Variants in NUTM2F observed in about 807,000 individuals in gnomAD.
NUTM2F encodes the protein NUT family member 2F, also known as family with sequence similarity 22, member F.
A neutral mutation model predicts 43.3 loss-of-function variants in NUTM2F; 22 were observed. The observed-to-expected ratio is 0.51, with a 90% CI of 0.36 to 0.73. NUTM2F has a LOEUF of 0.73. Ranked by LOEUF, NUTM2F falls within the 30% of genes least tolerant of loss-of-function variation. The probability of loss-of-function intolerance (pLI) is 0.00; values close to 1 mark genes in which losing one functional copy is unlikely to be tolerated. For synonymous variants in NUTM2F, 202 were observed against 389.0 expected (o/e 0.52, Z 5.66); for missense variants, 488 against 927.4 (o/e 0.53, Z 6.15).
chr9:94,320,435 G>A lies in NUTM2F; in HGVS notation c.1141C>T (p.Pro381Ser). 3 of 1,603,752 alleles carry A rather than the reference G, an allele frequency of 1.9e-6. No individual in the cohort carries two copies. The highest frequency in any genetic ancestry group is 2.6e-6 in the Non-Finnish European group (3 of 1,174,634). The stretch of plus-strand genomic sequence containing the variant: ...TCCTCAGGGACCTTGGTCTCCGCTG[G>A]CCTCTGGGGCCTGGGTGGTGGCAGG... ...AHLPPPRPQR[P>S]AETKVPEEIP... The change falls in exon 5 of 7, where the codon CCA becomes TCA. Residue 381 changes from proline (P) to serine (S), a missense_variant. Coordinates refer to ENST00000253262, the MANE Select transcript of NUTM2F (RefSeq NM_017561.2). This position sits in a 1 kb window ranked among gnomAD's most constrained non-coding sequence, Gnocchi z 4.5.
At position 94,321,133 on chromosome 9, in the gene NUTM2F, T is replaced by G. The variant is rs932886007; in HGVS notation, c.942A>C (p.Glu314Asp). 6.4e-7 allele frequency: 1 copy of G among 1,552,754 alleles called. No individual in the cohort carries two copies. The highest frequency in any genetic ancestry group is 8.6e-7 in the Non-Finnish European group (1 of 1,157,074). ...CCTCAGGGGCAGGGGGTCCTCGAGG[T>G]TCAAGCCTCGGCGGGGCTGGAGGAG... The part of the protein sequence containing the change: ...SLPPPAPPRL[E>D]PRGPPAPEVV... Residue 314 changes from glutamate (E) to aspartate (D), a missense_variant, in exon 4 of 7, where the codon GAA (glutamate) becomes GAC (aspartate). Coordinates refer to ENST00000253262, the MANE Select transcript of NUTM2F (RefSeq NM_017561.2).
chr9:94,325,788 C>G lies in NUTM2F; in HGVS notation c.163G>C (p.Val55Leu), dbSNP rs1324774411. The change falls in exon 2 of 7, where the codon GTG becomes CTG. Residue 55 changes from valine (V) to leucine (L), a missense_variant. Coordinates refer to ENST00000253262, the MANE Select transcript of NUTM2F (RefSeq NM_017561.2). The stretch of plus-strand genomic sequence containing the variant: ...GGGGTGCTGGGGAAGGCAGAGAGCA[C>G]CAGAGGGCCGGCTGGAGGAACCACT... ...TAVVPPAGPLVLSAFPSTPLV... is the reference protein window; with the variant it reads ...TAVVPPAGPLLLSAFPSTPLV... The G allele has an allele frequency of 6.2e-7, 1 of 1,612,126 alleles. No homozygotes were observed.
chr9:94,322,200 C>G lies in NUTM2F; in HGVS notation c.842+1G>C, dbSNP rs1283241523. On this transcript the variant is annotated splice_donor_variant, in intron 3 of 6. Transcript: ENST00000253262. LOFTEE classifies it high-confidence loss of function. ...CCCTGCCCCCAGGACCCCAGACTCACTTTTCCGCCATCTCGTAGAAGATCA... is the reference window on the plus strand; with the variant it reads ...CCCTGCCCCCAGGACCCCAGACTCAGTTTTCCGCCATCTCGTAGAAGATCA... 4.3e-6 allele frequency: 7 copies of G among 1,611,934 alleles called. No individual in the cohort carries two copies. The Admixed American group carries it at 1.2e-4, about 27-fold the overall frequency.
chr9:94,325,838 G>T lies in NUTM2F; in HGVS notation c.113C>A (p.Ala38Glu), dbSNP rs746156425. 6.2e-7 allele frequency: 1 copy of T among 1,612,100 alleles called. No homozygotes were observed. Among genetic ancestry groups the T allele is most frequent in the Non-Finnish European group, 8.5e-7 (1 of 1,179,870 alleles). Residue 38 changes from alanine to glutamate, a missense_variant, in exon 2 of 7, where the codon GCA becomes GAA. Ala to Glu is a moderately radical substitution (Grantham distance 107). Transcript: ENST00000253262. ...TGCAGTCACGAGGGGCGGCCTGTGT[G>T]CTGGGCCGGGAGCGGGTGTGGCAAA... is the stretch of plus-strand genomic sequence containing the variant. ...LPFATPAPGP[A>E]HRPPLVTAVV...
Position 94,325,743 on chromosome 9 carries a change from C to A in NUTM2F, c.208G>T (p.Gly70Cys). ...PSTPLVAGQD[G>C]RGPSGAGASN... The stretch of plus-strand genomic sequence containing the variant: ...GCCCCGGCCCCACTCGGGCCGCGGC[C>A]ATCCTGTCCTGCCACTAGAGGGGTG... Residue 70 changes from glycine to cysteine, a missense_variant, in exon 2 of 7, where the codon GGC becomes TGC. By Grantham distance (159) the Gly-to-Cys change is radical (BLOSUM62 -3). Transcript: ENST00000253262. The A allele has an allele frequency of 6.2e-7, 1 of 1,611,858 alleles. No homozygotes were observed. Among genetic ancestry groups the A allele is most frequent in the Non-Finnish European group, 8.5e-7 (1 of 1,179,850 alleles).
intron 6 of NUTM2F, 38 bp downstream of exon 6, chr9:94,319,575 C>A: frequency 6.2e-7 from 1 of 1,612,112 alleles, no homozygotes; most frequent in South Asian, 1.1e-5. Context: ...CCCTCCTGCC[C>A]CTGGAGTACC....
intron 1 of NUTM2F, 34 bp downstream of exon 1, chr9:94,328,574 A>C (rs1298983182): frequency 1.2e-6 from 2 of 1,613,776 alleles, no homozygotes; most frequent in African/African-American, 2.7e-5. Flanking sequence ...GAGGCAAGGC[A>C]GACTCGGATA....
intron 1 of NUTM2F, among the ~76,000 whole-genome samples, chr9:94,326,368 G>A (rs1026971976): frequency 3.0e-4 from 45 of 151,576 alleles, no homozygotes; most frequent in African/African-American, 9.4e-4. Context: ...AGAAGTTTCC[G>A]AATATTATGG....
rs541171394 is a variant in NUTM2F at position 94,328,538 on chromosome 9, G to A, written c.16+70C>T. 72 of 1,611,640 alleles carry A rather than the reference G, an allele frequency of 4.5e-5. No individual in the cohort carries two copies. In the South Asian group the frequency reaches 7.5e-4, roughly 17 times the overall value. ...GCCCTATAAGCTGTCCCCAGGGACA[G>A]TTCAAATTTGAATTCCCAAGGAGTT... is the stretch of plus-strand genomic sequence containing the variant. On this transcript the variant is annotated intron_variant, in intron 1 of 6. Transcript: ENST00000253262.
chr9:94,324,675 A>G (rs1264454931), intron 2 of NUTM2F, among the ~76,000 whole-genome samples: 1 of 139,558 alleles, frequency 7.2e-6, no homozygotes, highest in Non-Finnish European at 1.5e-5. Context: ...AAAAAAAAAA[A>G]AAAGAAAAGA....
At chr9:94,323,134 C>T (rs1831399986) in intron 2 of NUTM2F, among the ~76,000 whole-genome samples, 1 of 152,116 alleles carries the variant, frequency 6.6e-6, no homozygotes, top group Non-Finnish European at 1.5e-5. Context: ...CAGCCAGGCA[C>T]AGCTTCCCAC....
intron 6 of NUTM2F, 52 bp downstream of exon 6, chr9:94,319,561 G>A (rs916842372): frequency 1.7e-4 from 277 of 1,609,872 alleles, no homozygotes; most frequent in Non-Finnish European, 1.9e-4. Context: ...CTTGTGTGCC[G>A]GGTCCCTCCT....
chr9:94,324,974 T>G (rs1587703893), intron 2 of NUTM2F, among the ~76,000 whole-genome samples: 5 of 126,968 alleles, frequency 3.9e-5, no homozygotes, highest in Admixed American at 8.1e-5. Context: ...GCAACAAGAG[T>G]GAAAGTCCAT....
In NUTM2F at chr9:94,320,353, G is replaced by A. The variant is rs1305052330; in HGVS notation, c.1223C>T (p.Ser408Phe). 3 of 1,613,584 alleles carry A rather than the reference G, an allele frequency of 1.9e-6. No homozygotes were observed. Among genetic ancestry groups the A allele is most frequent in the South Asian group, 2.2e-5 (2 of 91,058 alleles). ...YVDIMEELLG[S>F]HPGDTGEPEG... ...AGGCTCCCCTGTGTCCCCAGGGTGA[G>A]ACCCCAGCAGCTCCTCCATGATGTC... The change falls in exon 5 of 7, where the codon TCT (serine) becomes TTT (phenylalanine). Residue 408 changes from serine (S) to phenylalanine (F), a missense_variant. By Grantham distance (155) the Ser-to-Phe change is radical (BLOSUM62 -2). Coordinates refer to ENST00000253262, the MANE Select transcript of NUTM2F (RefSeq NM_017561.2). The surrounding 1 kb of genome is among the most constrained non-coding windows in gnomAD (Gnocchi z 4.5).
In NUTM2F at chr9:94,320,423, T is replaced by C. The variant is rs1368172654; in HGVS notation, c.1153A>G (p.Lys385Glu). 1 of 1,605,088 alleles carries C rather than the reference T, an allele frequency of 6.2e-7. No homozygotes were observed. The highest frequency in any genetic ancestry group is 2.3e-5 in the East Asian group (1 of 44,398). Reference protein sequence around the residue: ...PPRPQRPAETKVPEEIPPEVV... With the variant: ...PPRPQRPAETEVPEEIPPEVV... The stretch of plus-strand genomic sequence containing the variant: ...TCAGGGGGGATCTCCTCAGGGACCT[T>C]GGTCTCCGCTGGCCTCTGGGGCCTG... The change falls in exon 5 of 7, where the codon AAG becomes GAG. Residue 385 changes from lysine to glutamate, a missense_variant. Lys to Glu is a moderately conservative substitution (Grantham distance 56). Transcript: ENST00000253262. This position sits in a 1 kb window ranked among gnomAD's most constrained non-coding sequence, Gnocchi z 4.5.
intron 1 of NUTM2F, among the ~76,000 whole-genome samples, chr9:94,328,314 C>G (rs1456569255): frequency 1.3e-5 from 2 of 152,078 alleles, no homozygotes; most frequent in African/African-American, 4.8e-5. Context: ...CCACTCCCTA[C>G]AAACACAATG....
intron 6 of NUTM2F, 73 bp downstream of exon 6, chr9:94,319,540 A>C (rs2257736): frequency 1.9e-6 from 3 of 1,599,358 alleles, no homozygotes; most frequent in Non-Finnish European, 1.7e-6. Context: ...GGCTTAGACA[A>C]TCGGGTGGGC....
intron 1 of NUTM2F, 127 bp downstream of exon 1, chr9:94,328,481 G>A: frequency 6.7e-7 from 1 of 1,494,572 alleles, no homozygotes; most frequent in Non-Finnish European, 9.3e-7. Flanking sequence ...TGATGTCCCT[G>A]GGGACATCCA....
In NUTM2F at chr9:94,319,188, A is replaced by AGGT; in HGVS notation, c.1547_1548insACC (p.His516delinsGlnPro). 1 of 1,174,830 alleles carries AGGT rather than the reference A, an allele frequency of 8.5e-7. No individual in the cohort carries two copies. Among genetic ancestry groups the AGGT allele is most frequent in the Non-Finnish European group, 1.2e-6 (1 of 852,748 alleles). The allele number at this position is 1,174,830 out of a possible 1,614,324, so 72.8% of individuals were successfully genotyped here. On this transcript the variant is annotated protein_altering_variant, in exon 7 of 7. Transcript: ENST00000253262. ...GACTTGAGTCCAACCTGGCCGTGCC[A>AGGT]TGTCGAGGGGCTGCCCTCCCGCACC...
Sources: gnomAD v4.1 joint callset for allele counts (sites outside exome capture counted in the v4.1 genomes callset) on GRCh38, gnomAD v4.1.1 for gene constraint, Gnocchi (gnomAD v3.1) non-coding constraint, MANE v1.5 for transcripts, NCBI Gene and HGNC (gene_info 2026-07-23, HGNC 2026-07-21) for gene names.